The following CADPS2 variants were observed in gnomAD, a reference collection of about 807,000 sequenced individuals.
CADPS2 encodes calcium-dependent secretion activator 2.
Under a neutral mutation model 172.5 loss-of-function variants are expected in CADPS2, and 93 were observed. That is an observed-to-expected ratio of 0.54 (90% CI 0.46 to 0.64). The LOEUF is 0.64. Among genes scored for constraint, CADPS2 ranks in the 30% least tolerant of loss-of-function variants. CADPS2 has a pLI of 0.00. For synonymous variants in CADPS2, 546 were observed against 555.2 expected, an observed-to-expected ratio of 0.98 and a Z score of 0.23; for missense variants, 1,420 against 1,565.9, an observed-to-expected ratio of 0.91 and a Z score of 1.57.
intron 8 of CADPS2, among the ~76,000 whole-genome samples, chr7:122,525,471 G>A (rs574189751): frequency 2.6e-4 from 39 of 152,266 alleles, no homozygotes; most frequent in African/African-American, 9.4e-4. Flanking sequence ...GGTAGTCAAG[G>A]AGGCTTGTGG....
chr7:122,529,087 T>C (rs540635433), intron 8 of CADPS2, among the ~76,000 whole-genome samples: 1 of 152,248 alleles, frequency 6.6e-6, no homozygotes, highest in Non-Finnish European at 1.5e-5. Flanking sequence ...ATATTATTAC[T>C]TTTGTCCTAC....
At chr7:122,477,716 A>G (rs1031798926) in intron 12 of CADPS2, among the ~76,000 whole-genome samples, 62 of 152,216 alleles carry the variant, frequency 4.1e-4, no homozygotes, top group Non-Finnish European at 8.8e-5. Context: ...TAAGGGATAC[A>G]TATAGACAGT....
intron 3 of CADPS2, 32 bp downstream of exon 3, chr7:122,663,205 C>A: frequency 1.4e-6 from 2 of 1,457,432 alleles, no homozygotes; most frequent in Non-Finnish European, 9.5e-7. Flanking sequence ...ACGAGTCAGA[C>A]AGGGGAAGGG....
intron 20 of CADPS2, among the ~76,000 whole-genome samples, chr7:122,402,239 C>T (rs894354749): frequency 2.0e-5 from 3 of 152,050 alleles, no homozygotes; most frequent in Admixed American, 6.6e-5. Flanking sequence ...AATATTTCCT[C>T]ATTAAAAAAT....
At chr7:122,359,464 G>A (rs750313350) in intron 27 of CADPS2, among the ~76,000 whole-genome samples, 3 of 152,038 alleles carry the variant, frequency 2.0e-5, no homozygotes, top group Non-Finnish European at 4.4e-5. Context: ...ATTCTATGGA[G>A]AGAATAAACT....
At chr7:122,450,615 G>A (rs1044486219) in intron 15 of CADPS2, among the ~76,000 whole-genome samples, 1 of 135,928 alleles carries the variant, frequency 7.4e-6, no homozygotes, top group Non-Finnish European at 1.5e-5. Flanking sequence ...CTGCAGCCTC[G>A]ACCTCCCCAG....
At chr7:122,375,364 T>C (rs566915837) in intron 25 of CADPS2, among the ~76,000 whole-genome samples, 2 of 152,210 alleles carry the variant, frequency 1.3e-5, no homozygotes, top group East Asian at 1.9e-4. Flanking sequence ...AACTTTTTAA[T>C]GTAAACAACG....
At position 122,844,010 on chromosome 7, in the gene CADPS2, G is replaced by A. The variant is rs574775731; in HGVS notation, c.339+41989C>T. Among the ~76,000 whole-genome samples, 12 of 152,332 alleles carry A rather than the reference G, an allele frequency of 7.9e-5. No individual in the cohort carries two copies. The East Asian group carries it at 9.6e-4, about 12-fold the overall frequency. On this transcript the variant is annotated intron_variant, in intron 1 of 29. Coordinates refer to ENST00000449022, the MANE Select transcript of CADPS2 (RefSeq NM_017954.11). ...AACCAGCAGAGACAGGATCATAGACGAGTTAGTTAGGAATCCAGTTTCCAG... is the reference window on the plus strand; with the variant it reads ...AACCAGCAGAGACAGGATCATAGACAAGTTAGTTAGGAATCCAGTTTCCAG...
intron 8 of CADPS2, among the ~76,000 whole-genome samples, chr7:122,546,288 G>T (rs895844271): frequency 6.6e-6 from 1 of 152,110 alleles, no homozygotes; most frequent in Admixed American, 6.6e-5. Context: ...GGCTGTGGCC[G>T]TGATATTATA....
rs1564121922 is a variant in CADPS2, at chr7:122,705,707, CATATATTATATAATATATCATATATT to C, written c.453+31222_453+31247del. Reference sequence around the variant, plus strand: ...ATATCACATATTATATATAATATATCATATATTATATAATATATCATATATTATATAATATATAATATATATAATAT... The same window carrying C: ...ATATCACATATTATATATAATATATCATATAATATATAATATATATAATAT... On this transcript the variant is annotated intron_variant, in intron 2 of 29. Transcript: ENST00000449022. Among the ~76,000 whole-genome samples, 3 of 21,522 alleles carry C rather than the reference CATATATTATATAATATATCATATATT, an allele frequency of 1.4e-4. 1 individual carries two copies. Among genetic ancestry groups the C allele is most frequent in the Non-Finnish European group, 2.9e-4 (3 of 10,452 alleles). 14.1% of individuals were successfully genotyped at this position (21,522 alleles called of 152,430 possible).
At chr7:122,426,650 T>A (rs1190905102) in intron 17 of CADPS2, among the ~76,000 whole-genome samples, 2 of 152,218 alleles carry the variant, frequency 1.3e-5, no homozygotes, top group African/African-American at 4.8e-5. Flanking sequence ...TCTAGTTTTG[T>A]ACAATTGGAA....
chr7:122,322,657 T>C (rs533811756), intron 29 of CADPS2, among the ~76,000 whole-genome samples: 1 of 152,334 alleles, frequency 6.6e-6, no homozygotes, highest in South Asian at 2.1e-4. Flanking sequence ...GTTTCACTTT[T>C]CCCCTCCCCC....
chr7:122,556,032 C>G (rs953693842), intron 7 of CADPS2, among the ~76,000 whole-genome samples: 3 of 151,970 alleles, frequency 2.0e-5, no homozygotes, highest in Non-Finnish European at 2.9e-5. Context: ...TTCTCAAGTC[C>G]TTCCTATAAA....
rs541579319 is a variant in CADPS2 at position 122,504,034 on chromosome 7, G to A, written c.1542+9215C>T. On this transcript the variant is annotated intron_variant, in intron 9 of 29. Transcript: ENST00000449022. ...CTGGAAGTGAAGGGAAGATAAACCA[G>A]GTTTAACAGATCAATCTGCTATGTC... is the stretch of plus-strand genomic sequence containing the variant. Among the ~76,000 whole-genome samples, 5 of 152,102 alleles carry A rather than the reference G, an allele frequency of 3.3e-5. No homozygotes were observed. The South Asian group carries it at 1.0e-3, about 32-fold the overall frequency.
chr7:122,325,142 T>A (rs2033558726), intron 29 of CADPS2, among the ~76,000 whole-genome samples: 1 of 152,124 alleles, frequency 6.6e-6, no homozygotes, highest in Admixed American at 6.6e-5. Context: ...TCCTAATAAA[T>A]ATGAAGTAAT....
chr7:122,701,006 C>A (rs2085966917), intron 2 of CADPS2, among the ~76,000 whole-genome samples: 1 of 151,896 alleles, frequency 6.6e-6, no homozygotes, highest in South Asian at 2.1e-4. Context: ...ATTAATTAAC[C>A]ATGGAGAATC....
chr7:122,763,023 AAC>A (rs374124308), intron 1 of CADPS2, among the ~76,000 whole-genome samples: 1 of 151,652 alleles, frequency 6.6e-6, no homozygotes, highest in Non-Finnish European at 1.5e-5. Flanking sequence ...AGTAGATGGA[AAC>A]ACACACACAC....
At chr7:122,710,480 T>C (rs376501615) in intron 2 of CADPS2, among the ~76,000 whole-genome samples, 11 of 152,178 alleles carry the variant, frequency 7.2e-5, no homozygotes, top group African/African-American at 2.4e-4. Flanking sequence ...TGAGCCACAT[T>C]GAGCCTCAGC....
At chr7:122,606,652 G>A (rs1265571364) in intron 6 of CADPS2, among the ~76,000 whole-genome samples, 1 of 152,090 alleles carries the variant, frequency 6.6e-6, no homozygotes, top group Admixed American at 6.6e-5. Flanking sequence ...GACCGACTGA[G>A]AGGCTTTTTT....
Sources: gnomAD v4.1 joint callset for allele counts (sites outside exome capture counted in the v4.1 genomes callset) on GRCh38, gnomAD v4.1.1 for gene constraint, MANE v1.5 for transcripts, NCBI Gene and HGNC (gene_info 2026-07-23, HGNC 2026-07-21) for gene names.